The following CADPS2 variants were observed in gnomAD, a reference collection of about 807,000 sequenced individuals.
CADPS2 encodes the protein calcium-dependent secretion activator 2.
A neutral mutation model predicts 172.5 loss-of-function variants in CADPS2; 93 were observed. The ratio of observed to expected loss-of-function variants is 0.54; its 90% CI spans 0.46 to 0.64. The LOEUF is 0.64. Ranked by LOEUF, CADPS2 falls within the 30% of genes least tolerant of loss-of-function variation. The pLI is 0.00. For missense variants in CADPS2, 1,420 were observed against 1,565.9 expected (o/e 0.91, Z 1.57); for synonymous variants, 546 against 555.2 (o/e 0.98, Z 0.23).
intron 25 of CADPS2, among the ~76,000 whole-genome samples, chr7:122,362,443 T>A (rs2040277023): frequency 6.6e-6 from 1 of 151,898 alleles, no homozygotes; most frequent in Non-Finnish European, 1.5e-5. Context: ...GGATGTGGAA[T>A]TCAAATTAGT....
At chr7:122,460,593 T>A (rs28712478) in intron 14 of CADPS2, among the ~76,000 whole-genome samples, 8,967 of 151,970 alleles carry the variant, frequency 0.059, 649 homozygotes, top group African/African-American at 0.17. Context: ...AGTATAAATG[T>A]TTATTACAAA....
At chr7:122,871,691 C>A (rs1819795650) in intron 1 of CADPS2, among the ~76,000 whole-genome samples, 1 of 152,060 alleles carries the variant, frequency 6.6e-6, no homozygotes, top group Non-Finnish European at 1.5e-5. Context: ...GGGTAATCTC[C>A]ATATTGCAAA....
At chr7:122,455,610 A>G (rs940323390) in intron 14 of CADPS2, among the ~76,000 whole-genome samples, 1 of 152,182 alleles carries the variant, frequency 6.6e-6, no homozygotes, top group Non-Finnish European at 1.5e-5. Flanking sequence ...ATATAAAAAT[A>G]TTACTTAAGA....
chr7:122,520,688 C>A (rs11767400), intron 8 of CADPS2, among the ~76,000 whole-genome samples: 30,421 of 151,958 alleles, frequency 0.2, 4,041 homozygotes, highest in Non-Finnish European at 0.3. Flanking sequence ...CTTTATCAAA[C>A]CTTTCTAACT....
intron 25 of CADPS2, among the ~76,000 whole-genome samples, chr7:122,375,046 C>T (rs913894763): frequency 5.3e-5 from 8 of 151,950 alleles, no homozygotes; most frequent in Non-Finnish European, 1.2e-4. Context: ...GACATTAAAG[C>T]AGACAACAAA....
chr7:122,336,660 T>G (rs2035902866), intron 28 of CADPS2, among the ~76,000 whole-genome samples: 1 of 152,234 alleles, frequency 6.6e-6, no homozygotes, highest in Non-Finnish European at 1.5e-5. Context: ...CTTGAGTGAC[T>G]TAAGCCTTTG....
intron 6 of CADPS2, among the ~76,000 whole-genome samples, chr7:122,612,963 A>C (rs1250855981): frequency 2.0e-5 from 3 of 152,150 alleles, no homozygotes; most frequent in Non-Finnish European, 4.4e-5. Context: ...GTTTTTCAAC[A>C]AATGGTGTTG....
At chr7:122,701,333 C>A (rs1026274032) in intron 2 of CADPS2, among the ~76,000 whole-genome samples, 7 of 151,746 alleles carry the variant, frequency 4.6e-5, no homozygotes, top group Non-Finnish European at 1.0e-4. Flanking sequence ...AGCGAACTAT[C>A]GCAAGGACAA....
At chr7:122,592,051 A>G (rs2070896610) in intron 6 of CADPS2, among the ~76,000 whole-genome samples, 1 of 152,160 alleles carries the variant, frequency 6.6e-6, no homozygotes, top group Admixed American at 6.6e-5. Flanking sequence ...TGAACAGGCA[A>G]CCTACAGAAT....
At chr7:122,631,176 T>C (rs974719802) in intron 3 of CADPS2, among the ~76,000 whole-genome samples, 4 of 152,180 alleles carry the variant, frequency 2.6e-5, no homozygotes, top group African/African-American at 7.2e-5. Flanking sequence ...AAATATATTA[T>C]GATCTTTGCT....
chr7:122,732,328 C>G (rs1177654257), intron 2 of CADPS2, among the ~76,000 whole-genome samples: 4 of 150,370 alleles, frequency 2.7e-5, no homozygotes, highest in Non-Finnish European at 5.9e-5. Context: ...TAAGAACAGA[C>G]AGAAAACTTT....
chr7:122,474,356 G>T (rs946901149), intron 13 of CADPS2, 25 bp downstream of exon 13: 2 of 1,602,034 alleles, frequency 1.2e-6, no homozygotes, highest in Non-Finnish European at 8.5e-7. Flanking sequence ...CCAACTTATA[G>T]GGGACTAGAT....
At chr7:122,624,557 G>A (rs957145304) in intron 4 of CADPS2, among the ~76,000 whole-genome samples, 3 of 152,184 alleles carry the variant, frequency 2.0e-5, no homozygotes, top group African/African-American at 7.2e-5. Flanking sequence ...TACTGGCTGT[G>A]AAGCTGGTTC....
intron 25 of CADPS2, among the ~76,000 whole-genome samples, chr7:122,378,094 T>C (rs976100066): frequency 2.0e-5 from 3 of 152,174 alleles, no homozygotes; most frequent in Non-Finnish European, 2.9e-5. Context: ...CTTAATACTA[T>C]ATTACGAAAC....
chr7:122,843,354 A>T (rs1275500596), intron 1 of CADPS2, among the ~76,000 whole-genome samples: 1 of 152,186 alleles, frequency 6.6e-6, no homozygotes, highest in Non-Finnish European at 1.5e-5. Context: ...CCACAGTGGA[A>T]AAAAGGTATC....
At chr7:122,453,024 A>AT (rs1311426587) in intron 14 of CADPS2, among the ~76,000 whole-genome samples, 2 of 151,950 alleles carry the variant, frequency 1.3e-5, no homozygotes, top group Non-Finnish European at 2.9e-5. Flanking sequence ...TAAGTATGAG[A>AT]TTTTTTTTCC....
At chr7:122,464,671 G>A (rs1013948062) in intron 14 of CADPS2, among the ~76,000 whole-genome samples, 5 of 152,116 alleles carry the variant, frequency 3.3e-5, no homozygotes, top group African/African-American at 1.2e-4. Flanking sequence ...GGCTAATCAT[G>A]AAAATGTCAG....
At chr7:122,750,308 T>A (rs1172700621) in intron 1 of CADPS2, among the ~76,000 whole-genome samples, 1 of 152,144 alleles carries the variant, frequency 6.6e-6, no homozygotes, top group Non-Finnish European at 1.5e-5. Flanking sequence ...GCAGAATAAA[T>A]TTTTAGTATA....
chr7:122,487,592 A>G (rs1198855786), intron 11 of CADPS2, among the ~76,000 whole-genome samples: 5 of 152,240 alleles, frequency 3.3e-5, no homozygotes, highest in African/African-American at 4.8e-5. Context: ...AATAAAAAAT[A>G]TAAGATGCAA....
Sources: allele counts gnomAD v4.1 joint callset (sites outside exome capture counted in the v4.1 genomes callset), GRCh38; gene constraint gnomAD v4.1.1; transcripts MANE v1.5; gene names NCBI Gene and HGNC (gene_info 2026-07-23, HGNC 2026-07-21).